The following IQCH variants were observed in gnomAD, a reference collection of about 807,000 sequenced individuals.
IQCH encodes the protein IQ motif containing H, also known as IQ domain-containing protein H.
In IQCH, 98 loss-of-function variants were observed where a neutral mutation model predicts 117.0. That is an observed-to-expected ratio of 0.84 (90% CI 0.71 to 0.99). The LOEUF is 0.99. IQCH is among the 50% of genes least tolerant of loss of function. IQCH has a pLI of 0.00. For synonymous variants in IQCH, 412 were observed against 448.2 expected (o/e 0.92, Z 1.02); for missense variants, 1,102 against 1,243.8 (o/e 0.89, Z 1.72).
Position 67,475,977 on chromosome 15 carries a change from G to A in IQCH, c.2799+159G>A, listed in dbSNP as rs192759143. Among the ~76,000 whole-genome samples the A allele has an allele frequency of 7.2e-5, 11 of 152,316 alleles. No individual in the cohort carries two copies. The East Asian group carries it at 9.6e-4, about 13-fold the overall frequency. On this transcript the variant is annotated intron_variant, in intron 18 of 20. Coordinates refer to ENST00000335894, the MANE Select transcript of IQCH (RefSeq NM_001031715.3). This position sits in a 1 kb window ranked among gnomAD's most constrained non-coding sequence, Gnocchi z 5.7. ...TTGCTGCTTGGGGAAGAGCAGATAC[G>A]CAACTCCACAGAAAGTAGCACATAG...
At chr15:67,497,708 C>T (rs2083859676) in intron 20 of IQCH, among the ~76,000 whole-genome samples, 1 of 152,078 alleles carries the variant, frequency 6.6e-6, no homozygotes, top group East Asian at 1.9e-4. Flanking sequence ...GTCAGGCTGA[C>T]CTCGAACTCC....
At chr15:67,258,427 A>G (rs769806131) in intron 1 of IQCH, among the ~76,000 whole-genome samples, 23 of 150,252 alleles carry the variant, frequency 1.5e-4, no homozygotes, top group Non-Finnish European at 2.5e-4. Context: ...GCTACTCAGG[A>G]GACTGAGGCA....
chr15:67,499,843 G>A (rs1163116813), intron 20 of IQCH, among the ~76,000 whole-genome samples: 5 of 152,130 alleles, frequency 3.3e-5, no homozygotes, highest in Non-Finnish European at 5.9e-5. Flanking sequence ...AAAACATTAT[G>A]CTAGGTAAAA....
rs955581352 is a variant in IQCH, at chr15:67,376,945, C to T, written c.1372+3512C>T. Among the ~76,000 whole-genome samples the T allele has an allele frequency of 7.3e-5, 11 of 151,676 alleles. No homozygotes were observed. The highest frequency in any genetic ancestry group is 1.5e-4 in the African/African-American group (6 of 41,244). On this transcript the variant is annotated intron_variant, in intron 10 of 20. Coordinates refer to ENST00000335894, the MANE Select transcript of IQCH (RefSeq NM_001031715.3). The surrounding 1 kb of genome is among the most constrained non-coding windows in gnomAD (Gnocchi z 5.0). ...CATCCTGGCCAACATGGTGAAACCC[C>T]GTCTCTACTAAAAATACAAAAATTA...
chr15:67,437,767 G>T (rs894063541), intron 16 of IQCH, among the ~76,000 whole-genome samples: 4 of 152,168 alleles, frequency 2.6e-5, no homozygotes, highest in African/African-American at 9.6e-5. Flanking sequence ...GAAAGTCTCA[G>T]CAATAGAATT....
intron 4 of IQCH, chr15:67,281,688 A>G (rs1966364998): frequency 2.2e-6 from 1 of 454,062 alleles, no homozygotes; most frequent in African/African-American, 2.0e-5. Context: ...TACAGAAGCA[A>G]AATTTCCCCA....
At chr15:67,361,884 G>C (rs1432022094) in intron 8 of IQCH, among the ~76,000 whole-genome samples, 1 of 152,144 alleles carries the variant, frequency 6.6e-6, no homozygotes, top group Non-Finnish European at 1.5e-5. Context: ...AAAATTGCCT[G>C]TCAGGAAATA....
chr15:67,418,371 G>T (rs1198940828), intron 15 of IQCH, among the ~76,000 whole-genome samples: 2 of 152,022 alleles, frequency 1.3e-5, no homozygotes, highest in Non-Finnish European at 2.9e-5. Context: ...GAGATTCTTT[G>T]CAGGGGACAG....
chr15:67,372,271 T>C lies in IQCH; in HGVS notation c.914T>C (p.Val305Ala). 6.2e-7 allele frequency: 1 copy of C among 1,614,142 alleles called. No individual in the cohort carries two copies. Among genetic ancestry groups the C allele is most frequent in the Non-Finnish European group, 8.5e-7 (1 of 1,180,010 alleles). Residue 305 changes from valine to alanine, a missense_variant, in exon 9 of 21, where the codon GTC (valine) becomes GCC (alanine). By Grantham distance (64) the Val-to-Ala change is moderately conservative. Transcript: ENST00000335894. ...WGGIFSLLEH[V>A]EKFLRNYAIP... Reference sequence around the variant, plus strand: ...GGTATTTTTTCTCTCTTGGAACACGTCGAGAAGTTTCTCAGGAACTATGCT... The same window carrying C: ...GGTATTTTTTCTCTCTTGGAACACGCCGAGAAGTTTCTCAGGAACTATGCT...
chr15:67,266,087 C>A (rs1965656558), intron 3 of IQCH, among the ~76,000 whole-genome samples: 1 of 151,572 alleles, frequency 6.6e-6, no homozygotes, highest in Non-Finnish European at 1.5e-5. Flanking sequence ...TTGACATAGC[C>A]ATTGGTCAAA....
chr15:67,271,260 G>A (rs1460706732), intron 3 of IQCH, among the ~76,000 whole-genome samples: 5 of 152,154 alleles, frequency 3.3e-5, no homozygotes, highest in South Asian at 4.1e-4. Flanking sequence ...GAGCCACCAC[G>A]CCCAGCCTAT....
At chr15:67,477,932 A>G (rs910504513) in intron 18 of IQCH, among the ~76,000 whole-genome samples, 5 of 152,352 alleles carry the variant, frequency 3.3e-5, no homozygotes, top group African/African-American at 7.2e-5. Flanking sequence ...ACCAAACTTT[A>G]TAAGTTATTT....
Position 67,481,694 on chromosome 15 carries a change from G to C in IQCH, c.2799+5876G>C, listed in dbSNP as rs1405510956. 6.6e-6 allele frequency among the ~76,000 whole-genome samples: 1 copy of C among 152,186 alleles called. No homozygotes were observed. The highest frequency in any genetic ancestry group is 2.4e-5 in the African/African-American group (1 of 41,448). On this transcript the variant is annotated intron_variant, in intron 18 of 20. Transcript: ENST00000335894. This position sits in a 1 kb window ranked among gnomAD's most constrained non-coding sequence, Gnocchi z 4.1. ...TAACTGAAATTAAGAGAGAGGCATA[G>C]AAGCAAGAAAGCAAAGAAATATAGA...
chr15:67,307,431 T>TA (rs1303691503), intron 4 of IQCH, among the ~76,000 whole-genome samples: 1 of 126,676 alleles, frequency 7.9e-6, no homozygotes. Context: ...TCTGAAATGA[T>TA]AAAGTAATAG....
At chr15:67,348,355 TCACACACA>T (rs56134528) in intron 6 of IQCH, among the ~76,000 whole-genome samples, 1 of 147,686 alleles carries the variant, frequency 6.8e-6, no homozygotes, top group African/African-American at 2.5e-5. Context: ...TCGCAAGCCA[TCACACACA>T]CACACACACA....
In IQCH at chr15:67,356,558, A is replaced by G. The variant is rs1230994012; in HGVS notation, c.638-787A>G. On this transcript the variant is annotated intron_variant, in intron 6 of 20. Transcript: ENST00000335894. The surrounding 1 kb of genome is among the most constrained non-coding windows in gnomAD (Gnocchi z 5.3). ...GTCAATTCCTTCTAAGATTGTTGTT[A>G]TAGAAAACTAACAGAAAAGGGGGTT... is the stretch of plus-strand genomic sequence containing the variant. Among the ~76,000 whole-genome samples the G allele has an allele frequency of 6.6e-6, 1 of 152,228 alleles. No homozygotes were observed. Among genetic ancestry groups the G allele is most frequent in the Non-Finnish European group, 1.5e-5 (1 of 68,032 alleles).
intron 4 of IQCH, among the ~76,000 whole-genome samples, chr15:67,294,187 C>T (rs1458954906): frequency 6.6e-6 from 1 of 152,142 alleles, no homozygotes; most frequent in Non-Finnish European, 1.5e-5. Flanking sequence ...GTTCTTCCAA[C>T]AATTTTTCAA....
intron 3 of IQCH, among the ~76,000 whole-genome samples, chr15:67,264,779 G>C (rs911778115): frequency 6.6e-6 from 1 of 151,788 alleles, no homozygotes; most frequent in African/African-American, 2.4e-5. Flanking sequence ...CATCTAGGAG[G>C]CCAAATACCA....
chr15:67,310,811 C>T (rs1453532816), intron 4 of IQCH, among the ~76,000 whole-genome samples: 1 of 152,042 alleles, frequency 6.6e-6, no homozygotes, highest in Non-Finnish European at 1.5e-5. Flanking sequence ...AATTTGGACT[C>T]AACATGCAAA....
Sources: allele counts gnomAD v4.1 joint callset (sites outside exome capture counted in the v4.1 genomes callset), GRCh38; gene constraint gnomAD v4.1.1; non-coding constraint Gnocchi (gnomAD v3.1); transcripts MANE v1.5; gene names NCBI Gene and HGNC (gene_info 2026-07-23, HGNC 2026-07-21).